Variants in HSD17B12 observed in about 807,000 individuals in gnomAD.
HSD17B12 encodes very-long-chain 3-oxoacyl-CoA reductase.
Under a neutral mutation model 39.3 loss-of-function variants are expected in HSD17B12, and 32 were observed. The ratio of observed to expected loss-of-function variants is 0.81; its 90% CI spans 0.61 to 1.09. HSD17B12 has a LOEUF of 1.09. HSD17B12 is among the 50% of genes least tolerant of loss of function. The pLI is 0.00. For synonymous variants in HSD17B12, 150 were observed against 146.7 expected, an observed-to-expected ratio of 1.02 and a Z score of -0.16; for missense variants, 342 against 382.9, an observed-to-expected ratio of 0.89 and a Z score of 0.89.
At chr11:43,727,289 T>A (rs1950230335) in intron 1 of HSD17B12, among the ~76,000 whole-genome samples, 1 of 152,202 alleles carries the variant, frequency 6.6e-6, no homozygotes, top group African/African-American at 2.4e-5. Context: ...ACAGCAGTCC[T>A]TGTGATTTTC....
chr11:43,675,446 C>T, the HSD17B12 span, among the ~76,000 whole-genome samples: 1 of 152,098 alleles, frequency 6.6e-6, no homozygotes, highest in Non-Finnish European at 1.5e-5. Flanking sequence ...ATTTGAGGAA[C>T]TGCAAGGAGT....
intron 1 of HSD17B12, among the ~76,000 whole-genome samples, chr11:43,684,689 C>T (rs189039156): frequency 1.3e-5 from 2 of 152,306 alleles, no homozygotes; most frequent in Admixed American, 1.3e-4. Flanking sequence ...TTTTTTAAAA[C>T]AACTTTAGTG....
chr11:43,698,083 A>G lies in HSD17B12; in HGVS notation c.160+17096A>G, dbSNP rs1052987232. Among the ~76,000 whole-genome samples the G allele has an allele frequency of 4.6e-5, 7 of 152,264 alleles. No homozygotes were observed. In the South Asian group the frequency reaches 6.2e-4, roughly 14 times the overall value. ...TGGCTTGGATTAAGGAAACTGAGACAGGGACTGGGAGAGGGAGTCAGACAA... is the reference window on the plus strand; with the variant it reads ...TGGCTTGGATTAAGGAAACTGAGACGGGGACTGGGAGAGGGAGTCAGACAA... On this transcript the variant is annotated intron_variant, in intron 1 of 10. Transcript: ENST00000278353.
chr11:43,793,865 A>G lies in HSD17B12; in HGVS notation c.284-4455A>G, dbSNP rs189688110. ...AGGATATTCATTATTCTATAGCACT[A>G]TCGTTATAAATAATATTTGCTTTCT... On this transcript the variant is annotated intron_variant, in intron 3 of 10. Coordinates refer to ENST00000278353, the MANE Select transcript of HSD17B12 (RefSeq NM_016142.3). Among the ~76,000 whole-genome samples, 14 of 152,336 alleles carry G rather than the reference A, an allele frequency of 9.2e-5. No individual in the cohort carries two copies. In the East Asian group the frequency reaches 2.7e-3, roughly 29 times the overall value.
chr11:43,576,155 G>A, the HSD17B12 span, among the ~76,000 whole-genome samples: 1 of 152,194 alleles, frequency 6.6e-6, no homozygotes, highest in Non-Finnish European at 1.5e-5. Context: ...GGGAGACTGC[G>A]AGGAGCTTGC....
chr11:43,600,039 C>G, the HSD17B12 span, among the ~76,000 whole-genome samples: 1 of 152,026 alleles, frequency 6.6e-6, no homozygotes, highest in Non-Finnish European at 1.5e-5. Flanking sequence ...TCCAGCTATG[C>G]AAGTTGAGAA....
At chr11:43,608,649 G>T in the HSD17B12 span, among the ~76,000 whole-genome samples, 2 of 152,096 alleles carry the variant, frequency 1.3e-5, no homozygotes, top group Admixed American at 1.3e-4. Flanking sequence ...CATATACCAT[G>T]ATGTATTTAA....
At chr11:43,716,736 A>G (rs1377172473) in intron 1 of HSD17B12, among the ~76,000 whole-genome samples, 2 of 142,458 alleles carry the variant, frequency 1.4e-5, no homozygotes, top group East Asian at 3.9e-4. Context: ...TATTATATAT[A>G]TTATACATAT....
At chr11:43,633,342 G>A in the HSD17B12 span, among the ~76,000 whole-genome samples, 1 of 152,028 alleles carries the variant, frequency 6.6e-6, no homozygotes, top group African/African-American at 2.4e-5. Flanking sequence ...GACCAGCCTG[G>A]CCAACATGCT....
the HSD17B12 span, among the ~76,000 whole-genome samples, chr11:43,599,675 T>C: frequency 2.6e-5 from 4 of 152,338 alleles, no homozygotes; most frequent in Admixed American, 2.6e-4. Context: ...TTTTCACTTT[T>C]AAAGATAGTT....
intron 4 of HSD17B12, among the ~76,000 whole-genome samples, chr11:43,812,210 G>A (rs1171056552): frequency 6.6e-6 from 1 of 152,116 alleles, no homozygotes. Context: ...TTGATATACT[G>A]ATTTATTTTC....
At chr11:43,623,844 T>C in the HSD17B12 span, among the ~76,000 whole-genome samples, 2 of 151,974 alleles carry the variant, frequency 1.3e-5, no homozygotes, top group Admixed American at 1.3e-4. Flanking sequence ...TGTCACAAGA[T>C]TTCTGGAAGC....
At chr11:43,823,687 C>T (rs184865666) in intron 6 of HSD17B12, among the ~76,000 whole-genome samples, 37 of 151,950 alleles carry the variant, frequency 2.4e-4, no homozygotes, top group Non-Finnish European at 4.4e-4. Context: ...ACCTGGGCCT[C>T]GCATACGTAA....
chr11:43,810,226 A>G (rs10768981), intron 4 of HSD17B12, among the ~76,000 whole-genome samples: 96,731 of 151,802 alleles, frequency 0.64, 31,251 homozygotes, highest in East Asian at 0.71. Context: ...TTATATCTCT[A>G]TAGCAGCTGG....
the HSD17B12 span, among the ~76,000 whole-genome samples, chr11:43,668,513 A>C: frequency 6.6e-6 from 1 of 152,214 alleles, no homozygotes; most frequent in African/African-American, 2.4e-5. Flanking sequence ...ATATGTAGAC[A>C]TGGATATCTT....
the HSD17B12 span, among the ~76,000 whole-genome samples, chr11:43,599,311 C>T: frequency 1.3e-5 from 2 of 152,154 alleles, no homozygotes; most frequent in African/African-American, 4.8e-5. Flanking sequence ...ATCACCATAG[C>T]CTATGCGACC....
intron 9 of HSD17B12, among the ~76,000 whole-genome samples, chr11:43,850,518 A>G (rs1029794588): frequency 1.3e-5 from 2 of 152,278 alleles, no homozygotes; most frequent in Non-Finnish European, 2.9e-5. Context: ...GGTCATTGTC[A>G]TCTGATGTTC....
chr11:43,630,955 C>A, the HSD17B12 span, among the ~76,000 whole-genome samples: 8 of 152,126 alleles, frequency 5.3e-5, no homozygotes, highest in East Asian at 1.4e-3. Context: ...CAGGTGTCCG[C>A]CACCACGCCT....
At chr11:43,677,805 G>A (rs1044523692), upstream of HSD17B12, among the ~76,000 whole-genome samples, 1 of 152,182 alleles carries the variant, frequency 6.6e-6, no homozygotes, top group Admixed American at 6.5e-5. Context: ...GTATTCCATG[G>A]TGTATATGTG....
Sources: gnomAD v4.1 joint callset for allele counts (sites outside exome capture counted in the v4.1 genomes callset) on GRCh38, gnomAD v4.1.1 for gene constraint, MANE v1.5 for transcripts, NCBI Gene and HGNC (gene_info 2026-07-23, HGNC 2026-07-21) for gene names.